Variants in DHX9 observed in about 807,000 individuals in gnomAD.
DHX9 encodes the protein ATP-dependent RNA helicase A.
Under a neutral mutation model 148.7 loss-of-function variants are expected in DHX9, and 27 were observed. That is an observed-to-expected ratio of 0.18 (90% CI 0.13 to 0.25). The LOEUF is 0.25. Ranked by LOEUF, DHX9 falls within the 10% of genes least tolerant of loss-of-function variation. DHX9 has a pLI of 1.00. For synonymous variants in DHX9, 529 were observed against 516.6 expected, an observed-to-expected ratio of 1.02 and a Z score of -0.33; for missense variants, 796 against 1,559.6, an observed-to-expected ratio of 0.51 and a Z score of 8.25.
At position 182,875,989 on chromosome 1, in the gene DHX9, A is replaced by G. The variant is rs1267873129; in HGVS notation, c.1816-61A>G. ...TAATTAGAGTCACTAGAAGAAATCTAGAAGACTTACCTCATGAGTAACTGA... is the reference window on the plus strand; with the variant it reads ...TAATTAGAGTCACTAGAAGAAATCTGGAAGACTTACCTCATGAGTAACTGA... On this transcript the variant is annotated intron_variant, in intron 16 of 27. Transcript: ENST00000367549. 9.7e-6 allele frequency: 13 copies of G among 1,339,756 alleles called. No homozygotes were observed. In the East Asian group the frequency reaches 1.6e-4, roughly 17 times the overall value. The allele number at this position is 1,339,756 out of a possible 1,614,324, so 83.0% of individuals were successfully genotyped here. A position where few individuals can be genotyped will look rare whatever the true frequency, so the allele number is the denominator to read the frequency against.
At chr1:182,848,968 C>T (rs1380757307) in intron 3 of DHX9, among the ~76,000 whole-genome samples, 1 of 152,212 alleles carries the variant, frequency 6.6e-6, no homozygotes, top group East Asian at 1.9e-4. Flanking sequence ...CTAAACCATG[C>T]ATGAGAAACC....
chr1:182,866,422 C>CTTTTCTTT, intron 12 of DHX9, 22 bp from the exon 13 acceptor site: 1 of 1,610,308 alleles, frequency 6.2e-7, no homozygotes, highest in Non-Finnish European at 8.5e-7. Context: ...TGTTAAGTCA[C>CTTTTCTTT]TTTTCTTTTT....
At chr1:182,860,633 C>T (rs1668344231) in intron 12 of DHX9, among the ~76,000 whole-genome samples, 1 of 152,204 alleles carries the variant, frequency 6.6e-6, no homozygotes, top group Non-Finnish European at 1.5e-5. Flanking sequence ...AGTACTATTT[C>T]ACATAGTATT....
chr1:182,840,110 G>A (rs568818979), intron 1 of DHX9, among the ~76,000 whole-genome samples: 1 of 152,234 alleles, frequency 6.6e-6, no homozygotes, highest in East Asian at 1.9e-4. Context: ...AAGGAGAATG[G>A]GTTTTAGGGT....
At chr1:182,885,516 A>G (rs1249580261) in intron 27 of DHX9, among the ~76,000 whole-genome samples, 1 of 152,226 alleles carries the variant, frequency 6.6e-6, no homozygotes, top group African/African-American at 2.4e-5. Flanking sequence ...CAATACCACA[A>G]TCACACCCCA....
chr1:182,853,264 TAC>T (rs773220346), intron 4 of DHX9, 40 bp from the exon 5 acceptor site: 11 of 1,376,122 alleles, frequency 8.0e-6, no homozygotes, highest in Non-Finnish European at 1.1e-5. Context: ...AGGATTTTTC[TAC>T]AGTTATGACT....
intron 12 of DHX9, among the ~76,000 whole-genome samples, chr1:182,865,787 A>C (rs1248661141): frequency 6.6e-6 from 1 of 152,216 alleles, no homozygotes; most frequent in Non-Finnish European, 1.5e-5. Context: ...CATAGTATCC[A>C]CCAAGTAAAG....
At chr1:182,851,207 T>C (rs1668139679) in intron 3 of DHX9, among the ~76,000 whole-genome samples, 1 of 152,262 alleles carries the variant, frequency 6.6e-6, no homozygotes, top group South Asian at 2.1e-4. Context: ...AAATTCACAA[T>C]GTACTAATAA....
At chr1:182,870,524 G>A (rs1298313347) in intron 14 of DHX9, among the ~76,000 whole-genome samples, 1 of 152,200 alleles carries the variant, frequency 6.6e-6, no homozygotes, top group Non-Finnish European at 1.5e-5. Flanking sequence ...TTAGGAGACG[G>A]TGGCATGTCA....
chr1:182,864,434 A>G (rs753002710), intron 12 of DHX9, among the ~76,000 whole-genome samples: 20 of 152,210 alleles, frequency 1.3e-4, no homozygotes, highest in Non-Finnish European at 2.4e-4. Flanking sequence ...ACATACTTGT[A>G]TACGCCTTTG....
At chr1:182,844,910 C>G (rs1032113143) in intron 3 of DHX9, among the ~76,000 whole-genome samples, 1 of 151,676 alleles carries the variant, frequency 6.6e-6, no homozygotes, top group Non-Finnish European at 1.5e-5. Context: ...TGATCCGCCC[C>G]CTTCAGCCTC....
intron 5 of DHX9, among the ~76,000 whole-genome samples, 181 bp from the exon 6 acceptor site, chr1:182,853,849 T>TAA (rs1296838924): frequency 2.0e-5 from 3 of 152,180 alleles, no homozygotes; most frequent in African/African-American, 7.2e-5. Flanking sequence ...CTTGTTTATA[T>TAA]AATAGGGCCT....
intron 3 of DHX9, among the ~76,000 whole-genome samples, chr1:182,851,925 C>G (rs1402280547): frequency 6.6e-6 from 1 of 152,090 alleles, no homozygotes; most frequent in Non-Finnish European, 1.5e-5. Context: ...GTAAACACTA[C>G]TAAAAATGAG....
In DHX9 at chr1:182,887,122, C is replaced by T. The variant is rs555438540; in HGVS notation, c.3501C>T (p.Tyr1167=). The change falls in exon 28 of 28, where the codon TAC becomes TAT. Residue 1167 remains tyrosine (Y), a synonymous_variant. Transcript: ENST00000367549. ...CACGTCCTCCCAAGATGGCCCGATA[C>T]GACAATGGAAGCGGATATAGAAGGG... ...DGPRPPKMAR[Y]DNGSGYRRGG... The T allele has an allele frequency of 2.4e-5, 38 of 1,614,124 alleles. No individual in the cohort carries two copies. Among genetic ancestry groups the T allele is most frequent in the East Asian group, 1.6e-4 (7 of 44,886 alleles).
chr1:182,887,386 C>T lies in DHX9; in HGVS notation c.3765C>T (p.Ala1255=), dbSNP rs897002640. The change falls in exon 28 of 28, where the codon GCC becomes GCT. Residue 1255 remains alanine, a synonymous_variant. Transcript: ENST00000367549. The part of the protein sequence containing the change: ...GGFQRGGGRG[A]YGTGYFGQGR... ...TCCAGCGAGGAGGTGGTAGGGGGGC[C>T]TATGGAACTGGCTACTTTGGACAGG... is the stretch of plus-strand genomic sequence containing the variant. 2 of 1,613,772 alleles carry T rather than the reference C, an allele frequency of 1.2e-6. No individual in the cohort carries two copies. The highest frequency in any genetic ancestry group is 1.7e-6 in the Non-Finnish European group (2 of 1,179,976).
chr1:182,864,651 CAT>C (rs1648210494), intron 12 of DHX9, among the ~76,000 whole-genome samples: 1 of 152,152 alleles, frequency 6.6e-6, no homozygotes, highest in Non-Finnish European at 1.5e-5. Flanking sequence ...ATCAGAGAAG[CAT>C]ATAAAATATG....
In DHX9 at chr1:182,858,613, A is replaced by G; in HGVS notation, c.873A>G (p.Gln291=). Residue 291 remains glutamine (Q), a synonymous_variant, in exon 9 of 28, where the codon CAA becomes CAG. Coordinates refer to ENST00000367549, the MANE Select transcript of DHX9 (RefSeq NM_001357.5). ...AGCATCAGCTGCAAAACATCATTCA[A>G]GAGCTAAATCTTGAGATTTTGCCCC... ...DLEHQLQNII[Q]ELNLEILPPP... is the part of the protein sequence containing the mutation. The G allele has an allele frequency of 1.2e-6, 2 of 1,611,082 alleles. No homozygotes were observed. Among genetic ancestry groups the G allele is most frequent in the Non-Finnish European group, 1.7e-6 (2 of 1,177,710 alleles).
Position 182,858,676 on chromosome 1 carries a change from A to C in DHX9, c.900+36A>C, listed in dbSNP as rs1485929259. 2.5e-6 allele frequency: 4 copies of C among 1,611,312 alleles called. No individual in the cohort carries two copies. In the African/African-American group the frequency reaches 5.3e-5, roughly 22 times the overall value. ...AGCTGTTTAGTTCACATTTACGTAG[A>C]ACTCTCCGTAGACAAGCAAATCATA... On this transcript the variant is annotated intron_variant, in intron 9 of 27. Transcript: ENST00000367549.
chr1:182,880,178 G>T (rs1649024356), intron 21 of DHX9, among the ~76,000 whole-genome samples: 1 of 152,128 alleles, frequency 6.6e-6, no homozygotes, highest in Admixed American at 6.5e-5. Flanking sequence ...AACATTAACA[G>T]CTGGGTATCA....
Sources: allele counts gnomAD v4.1 joint callset (sites outside exome capture counted in the v4.1 genomes callset), GRCh38; gene constraint gnomAD v4.1.1; transcripts MANE v1.5; gene names NCBI Gene and HGNC (gene_info 2026-07-23, HGNC 2026-07-21).